IMPG1: variants seen among roughly 807,000 people sequenced by gnomAD.
IMPG1 encodes the protein interphotoreceptor matrix proteoglycan of 150 kDa.
Under a neutral mutation model 92.0 loss-of-function variants are expected in IMPG1, and 85 were observed. The observed-to-expected ratio is 0.92, with a 90% CI of 0.78 to 1.11. IMPG1 has a LOEUF of 1.11. Among genes scored for constraint, IMPG1 ranks in the 50% least tolerant of loss-of-function variants. IMPG1 has a pLI of 0.00. For missense variants in IMPG1, 1,022 were observed against 956.0 expected, an observed-to-expected ratio of 1.07 and a Z score of -0.91; for synonymous variants, 367 against 334.1, an observed-to-expected ratio of 1.10 and a Z score of -1.08.
chr6:75,953,374 C>T (rs1782066780), intron 12 of IMPG1, among the ~76,000 whole-genome samples: 1 of 148,880 alleles, frequency 6.7e-6, no homozygotes, highest in Admixed American at 6.7e-5. Context: ...TTCATCAACA[C>T]ATCATCTATA....
intron 12 of IMPG1, among the ~76,000 whole-genome samples, chr6:75,998,949 C>A (rs1482218751): frequency 6.6e-6 from 1 of 152,112 alleles, no homozygotes; most frequent in Admixed American, 6.5e-5. Flanking sequence ...CTCTGCCTCC[C>A]AGGTTCAAGC....
At chr6:75,985,193 T>C (rs1488682656) in intron 12 of IMPG1, among the ~76,000 whole-genome samples, 5 of 152,266 alleles carry the variant, frequency 3.3e-5, no homozygotes, top group Non-Finnish European at 7.3e-5. Context: ...GTCTGGAATA[T>C]GGCAACCTAA....
chr6:75,984,492 T>C (rs1390108466), intron 12 of IMPG1, among the ~76,000 whole-genome samples: 1 of 152,218 alleles, frequency 6.6e-6, no homozygotes, highest in Non-Finnish European at 1.5e-5. Context: ...TGATCTGACT[T>C]ACACTGTATG....
At chr6:76,016,748 A>T (rs1043986825) in intron 7 of IMPG1, among the ~76,000 whole-genome samples, 1 of 152,216 alleles carries the variant, frequency 6.6e-6, no homozygotes, top group Non-Finnish European at 1.5e-5. Flanking sequence ...ACGTAATCTC[A>T]TGGATGCTTC....
At chr6:76,039,173 C>G (rs1223541510) in intron 2 of IMPG1, among the ~76,000 whole-genome samples, 2 of 152,254 alleles carry the variant, frequency 1.3e-5, no homozygotes, top group East Asian at 3.9e-4. Flanking sequence ...ACCTGGGGAA[C>G]TTGTTAAAAT....
intron 14 of IMPG1, among the ~76,000 whole-genome samples, chr6:75,942,067 G>T (rs751631005): frequency 2.0e-5 from 3 of 152,186 alleles, no homozygotes; most frequent in Non-Finnish European, 4.4e-5. Flanking sequence ...AGGGAAGGGT[G>T]AAAGGGTAAG....
At chr6:76,027,305 A>G (rs953882337) in intron 4 of IMPG1, among the ~76,000 whole-genome samples, 9 of 152,188 alleles carry the variant, frequency 5.9e-5, no homozygotes, top group African/African-American at 1.7e-4. Flanking sequence ...CACAATAGGT[A>G]AGGCCTGGGG....
rs78306652 is a variant in IMPG1 at position 76,055,717 on chromosome 6, C to T, written c.68-13591G>A. ...TAATATCAGAATTGAGAAAGAAGAACATTATGCTTTCTACAGACTTTCTAC... is the reference window on the plus strand; with the variant it reads ...TAATATCAGAATTGAGAAAGAAGAATATTATGCTTTCTACAGACTTTCTAC... On this transcript the variant is annotated intron_variant, in intron 1 of 16. Transcript: ENST00000369950. Among the ~76,000 whole-genome samples the T allele has an allele frequency of 7.4e-3, 1,121 of 151,928 alleles. 7 individuals carry two copies. The highest frequency in any genetic ancestry group is 0.012 in the Non-Finnish European group (825 of 67,862).
At chr6:76,069,822 C>G (rs1409486743) in intron 1 of IMPG1, among the ~76,000 whole-genome samples, 1 of 152,024 alleles carries the variant, frequency 6.6e-6, no homozygotes. Flanking sequence ...GAAATCATGT[C>G]TTTTGCAACA....
chr6:76,032,658 G>T (rs1386910764), intron 4 of IMPG1, among the ~76,000 whole-genome samples: 25 of 152,180 alleles, frequency 1.6e-4, no homozygotes, highest in African/African-American at 2.4e-5. Flanking sequence ...AAAGCAGGAA[G>T]AGATTGCTGC....
At chr6:75,939,185 TTTTTC>T (rs532002408) in intron 14 of IMPG1, among the ~76,000 whole-genome samples, 1 of 151,634 alleles carries the variant, frequency 6.6e-6, no homozygotes. Context: ...CTCAACTTCC[TTTTTC>T]TTTTCTTTTC....
intron 12 of IMPG1, among the ~76,000 whole-genome samples, chr6:75,953,015 G>A (rs1782059515): frequency 6.6e-6 from 1 of 152,184 alleles, no homozygotes; most frequent in African/African-American, 2.4e-5. Flanking sequence ...ATGATAAATT[G>A]AAAGGATTTG....
intron 10 of IMPG1, among the ~76,000 whole-genome samples, chr6:76,005,079 T>C (rs7341258): frequency 0.023 from 3,527 of 152,268 alleles, 138 homozygotes; most frequent in African/African-American, 0.079. Flanking sequence ...CCTAGAACTA[T>C]CCTTGGTAAG....
chr6:75,939,532 A>T (rs2149453318), intron 14 of IMPG1, among the ~76,000 whole-genome samples: 1 of 152,340 alleles, frequency 6.6e-6, no homozygotes, highest in Non-Finnish European at 1.5e-5. Context: ...ACATGAAATC[A>T]TCCTTTTTTA....
intron 12 of IMPG1, among the ~76,000 whole-genome samples, chr6:75,989,213 C>T (rs553157531): frequency 3.3e-5 from 5 of 152,252 alleles, no homozygotes; most frequent in Admixed American, 6.5e-5. Context: ...CTCAGCCCCC[C>T]GAGTAGTAAT....
chr6:76,022,337 C>T (rs1783447249), intron 5 of IMPG1, 118 bp from the exon 6 acceptor site: 2 of 483,052 alleles, frequency 4.1e-6, no homozygotes, highest in Non-Finnish European at 7.8e-6. Context: ...TATTAGGTGC[C>T]TTCTGAACTC....
At position 76,013,392 on chromosome 6, in the gene IMPG1, A is replaced by T. The variant is rs533623118; in HGVS notation, c.808-2168T>A. 2.4e-4 allele frequency among the ~76,000 whole-genome samples: 36 copies of T among 152,128 alleles called. No homozygotes were observed. In the Middle Eastern group the frequency reaches 0.014, roughly 57 times the overall value. ...TACAATATACACTTCTATGTCTTCA[A>T]GTTCCTATGAATTATTTTCTCTTCA... On this transcript the variant is annotated intron_variant, in intron 7 of 16. Coordinates refer to ENST00000369950, the MANE Select transcript of IMPG1 (RefSeq NM_001563.4).
intron 7 of IMPG1, 85 bp downstream of exon 7, chr6:76,018,633 T>A (rs1025046787): frequency 1.5e-5 from 19 of 1,232,404 alleles, no homozygotes; most frequent in Non-Finnish European, 2.2e-6. Context: ...AAGCTGGAAC[T>A]GTTCGCCGTA....
At chr6:76,014,367 C>T (rs1783246052) in intron 7 of IMPG1, among the ~76,000 whole-genome samples, 1 of 152,180 alleles carries the variant, frequency 6.6e-6, no homozygotes, top group African/African-American at 2.4e-5. Context: ...GGATGAGGGT[C>T]CCTGTAGAGG....
Sources: allele counts gnomAD v4.1 joint callset (sites outside exome capture counted in the v4.1 genomes callset), GRCh38; gene constraint gnomAD v4.1.1; transcripts MANE v1.5; gene names NCBI Gene and HGNC (gene_info 2026-07-23, HGNC 2026-07-21).